Variants in NLGN1 observed in about 807,000 individuals in gnomAD.
The protein encoded by NLGN1 is neuroligin-1.
A neutral mutation model predicts 65.5 loss-of-function variants in NLGN1; 12 were observed. The ratio of observed to expected loss-of-function variants is 0.18; its 90% CI spans 0.12 to 0.30. The LOEUF (loss-of-function observed/expected upper bound fraction) is 0.30, where lower values mean the gene tolerates loss of function less well. NLGN1 is among the 10% of genes least tolerant of loss of function. The probability of loss-of-function intolerance (pLI) is 1.00; values close to 1 mark genes in which losing one functional copy is unlikely to be tolerated. For missense variants in NLGN1, 750 were observed against 1,007.1 expected (o/e 0.74, Z 3.46); for synonymous variants, 350 against 359.5 (o/e 0.97, Z 0.30).
intron 4 of NLGN1, among the ~76,000 whole-genome samples, chr3:174,189,487 A>G (rs1023042729): frequency 5.9e-5 from 9 of 152,006 alleles, no homozygotes; most frequent in African/African-American, 2.2e-4. Context: ...TGGAAGTGAA[A>G]ATTTCCCTAG....
intron 3 of NLGN1, among the ~76,000 whole-genome samples, chr3:173,711,921 A>C (rs1245992706): frequency 6.6e-6 from 1 of 152,196 alleles, no homozygotes; most frequent in Non-Finnish European, 1.5e-5. Flanking sequence ...CTGGAGTGGC[A>C]GAGGCCAAGG....
At chr3:174,000,891 A>T (rs1398698334) in intron 4 of NLGN1, among the ~76,000 whole-genome samples, 1 of 152,166 alleles carries the variant, frequency 6.6e-6, no homozygotes, top group Non-Finnish European at 1.5e-5. Context: ...GAGTGGGCAG[A>T]TGGGTGGACA....
At chr3:174,065,726 A>G (rs1290676703) in intron 4 of NLGN1, among the ~76,000 whole-genome samples, 1 of 152,090 alleles carries the variant, frequency 6.6e-6, no homozygotes. Context: ...TAAAAAAAAA[A>G]ACAACATGAC....
At chr3:173,701,081 C>T (rs948230103) in intron 3 of NLGN1, among the ~76,000 whole-genome samples, 4 of 152,002 alleles carry the variant, frequency 2.6e-5, no homozygotes, top group Admixed American at 1.3e-4. Flanking sequence ...GCTGAGATCT[C>T]GCCACCCACT....
At chr3:173,536,435 T>C (rs1737449324) in intron 2 of NLGN1, among the ~76,000 whole-genome samples, 1 of 152,196 alleles carries the variant, frequency 6.6e-6, no homozygotes, top group African/African-American at 2.4e-5. Context: ...AAGTAAATAA[T>C]CTTTTCAGTT....
intron 4 of NLGN1, among the ~76,000 whole-genome samples, chr3:173,859,472 C>T (rs16831198): frequency 0.047 from 7,205 of 152,102 alleles, 346 homozygotes; most frequent in Admixed American, 0.16. Context: ...GAGAGAACCC[C>T]GATGCCTGTA....
intron 4 of NLGN1, chr3:173,910,913 T>C (rs1373360183): frequency 6.6e-6 from 1 of 152,194 alleles, no homozygotes; most frequent in East Asian, 1.9e-4. Flanking sequence ...AACAAATTAT[T>C]TGAAATGCTT....
intron 2 of NLGN1, among the ~76,000 whole-genome samples, chr3:173,490,712 CT>C (rs1560329482): frequency 6.6e-6 from 1 of 152,130 alleles, no homozygotes; most frequent in Non-Finnish European, 1.5e-5. Context: ...GATATTGATT[CT>C]TCCTATCCAT....
intron 4 of NLGN1, among the ~76,000 whole-genome samples, chr3:174,009,224 TA>T (rs1426881938): frequency 6.6e-6 from 1 of 152,152 alleles, no homozygotes; most frequent in African/African-American, 2.4e-5. Context: ...GCTCCCTCAT[TA>T]CATCATCTAA....
In NLGN1 at chr3:174,280,172, A is replaced by T. The variant is rs1751299419; in HGVS notation, c.1650-309A>T. On this transcript the variant is annotated intron_variant, in intron 6 of 6. Coordinates refer to ENST00000457714, the Ensembl canonical transcript of NLGN1. The surrounding 1 kb of genome is among the most constrained non-coding windows in gnomAD (Gnocchi z 4.9). ...TCCACTATTCCATGTCATCTCTGCT[A>T]GCTTGCCTATGAGACAACTCATACG... 6.6e-6 allele frequency among the ~76,000 whole-genome samples: 1 copy of T among 151,992 alleles called. No individual in the cohort carries two copies. The highest frequency in any genetic ancestry group is 1.5e-5 in the Non-Finnish European group (1 of 67,932).
intron 2 of NLGN1, among the ~76,000 whole-genome samples, chr3:173,593,659 C>T (rs1208126204): frequency 6.6e-6 from 1 of 152,174 alleles, no homozygotes; most frequent in Non-Finnish European, 1.5e-5. Context: ...CCAGGAAGAA[C>T]AATCTTGGTG....
At chr3:174,245,496 A>G (rs1330050913) in intron 4 of NLGN1, among the ~76,000 whole-genome samples, 4 of 152,142 alleles carry the variant, frequency 2.6e-5, no homozygotes, top group African/African-American at 9.7e-5. Context: ...GTTTTTTCCT[A>G]ATGAGTATCA....
chr3:174,114,094 A>G (rs868770442), intron 4 of NLGN1, among the ~76,000 whole-genome samples: 5 of 152,136 alleles, frequency 3.3e-5, no homozygotes, highest in Non-Finnish European at 5.9e-5. Context: ...AATGTCCAAC[A>G]TATGTTAAAT....
intron 4 of NLGN1, among the ~76,000 whole-genome samples, chr3:174,174,665 A>G (rs904554182): frequency 1.4e-4 from 21 of 151,436 alleles, no homozygotes; most frequent in African/African-American, 4.9e-4. Flanking sequence ...CCACTTTTTG[A>G]TGGGATTGTT....
intron 2 of NLGN1, among the ~76,000 whole-genome samples, chr3:173,550,754 G>A (rs775372073): frequency 6.6e-6 from 1 of 151,814 alleles, no homozygotes; most frequent in African/African-American, 2.4e-5. Flanking sequence ...TAACACAGGC[G>A]TTAATGGTAC....
intron 3 of NLGN1, among the ~76,000 whole-genome samples, chr3:173,678,889 T>C (rs943998174): frequency 2.0e-5 from 3 of 152,046 alleles, no homozygotes; most frequent in African/African-American, 7.2e-5. Flanking sequence ...TTTATAGACA[T>C]TTAGGAGAAT....
intron 3 of NLGN1, among the ~76,000 whole-genome samples, chr3:173,638,795 G>T (rs1204311907): frequency 2.6e-5 from 4 of 152,170 alleles, no homozygotes; most frequent in Admixed American, 1.3e-4. Context: ...TTCATTGTGA[G>T]ATGTGTCACA....
intron 3 of NLGN1, among the ~76,000 whole-genome samples, chr3:173,669,038 A>G (rs1762106619): frequency 6.6e-6 from 1 of 152,212 alleles, no homozygotes; most frequent in Non-Finnish European, 1.5e-5. Flanking sequence ...TCATAAGTGT[A>G]AAGCTATAAT....
chr3:173,411,839 C>T (rs986075749), intron 1 of NLGN1, among the ~76,000 whole-genome samples: 2 of 152,080 alleles, frequency 1.3e-5, no homozygotes, highest in African/African-American at 4.8e-5. Flanking sequence ...AAAATTAATA[C>T]TAGTGGCAGC....
Sources: allele counts gnomAD v4.1 joint callset (sites outside exome capture counted in the v4.1 genomes callset), GRCh38; gene constraint gnomAD v4.1.1; non-coding constraint Gnocchi (gnomAD v3.1); transcripts MANE v1.5; gene names NCBI Gene and HGNC (gene_info 2026-07-23, HGNC 2026-07-21).